Variants in NR6A1 observed in about 807,000 individuals in gnomAD.
NR6A1 encodes retinoic acid receptor-related testis-associated receptor.
NR6A1 carries 7 observed loss-of-function variants against 59.1 expected under a neutral mutation model. The ratio of observed to expected loss-of-function variants is 0.12; its 90% CI spans 0.07 to 0.22. The LOEUF (loss-of-function observed/expected upper bound fraction) is 0.22. Ranked by LOEUF, NR6A1 falls within the 10% of genes least tolerant of loss-of-function variation. The probability of loss-of-function intolerance (pLI) is 1.00; values close to 1 mark genes in which losing one functional copy is unlikely to be tolerated. For missense variants in NR6A1, 468 were observed against 611.6 expected, an observed-to-expected ratio of 0.77 and a Z score of 2.48; for synonymous variants, 243 against 236.1, an observed-to-expected ratio of 1.03 and a Z score of -0.27.
At chr9:124,637,188 C>T (rs1375476718) in intron 2 of NR6A1, among the ~76,000 whole-genome samples, 1 of 152,120 alleles carries the variant, frequency 6.6e-6, no homozygotes, top group Non-Finnish European at 1.5e-5. Context: ...AAAGTGCATT[C>T]TAGACCGACA....
chr9:124,736,041 T>C (rs895917249), intron 1 of NR6A1, among the ~76,000 whole-genome samples: 1 of 152,202 alleles, frequency 6.6e-6, no homozygotes, highest in Non-Finnish European at 1.5e-5. Flanking sequence ...ACGGATTGAA[T>C]GTTGAACATC....
chr9:124,637,789 G>A (rs530366473), intron 2 of NR6A1, among the ~76,000 whole-genome samples: 4 of 151,876 alleles, frequency 2.6e-5, no homozygotes, highest in African/African-American at 9.7e-5. Flanking sequence ...CTACTCAGGA[G>A]GCTGAGGCAC....
chr9:124,690,541 A>AT (rs543369267), intron 2 of NR6A1, among the ~76,000 whole-genome samples: 270 of 147,118 alleles, frequency 1.8e-3, no homozygotes, highest in Admixed American at 2.2e-3. Flanking sequence ...TCAGCCTATA[A>AT]TTTTTTTTTT....
intron 2 of NR6A1, among the ~76,000 whole-genome samples, chr9:124,665,096 A>C (rs140014586): frequency 6.6e-6 from 1 of 151,130 alleles, no homozygotes; most frequent in Non-Finnish European, 1.5e-5. Flanking sequence ...CAGGAGGCTA[A>C]GGCAGGAGGA....
intron 2 of NR6A1, among the ~76,000 whole-genome samples, chr9:124,717,643 C>G (rs1839441839): frequency 1.3e-5 from 2 of 152,178 alleles, no homozygotes; most frequent in Non-Finnish European, 2.9e-5. Context: ...ATGTGGATTA[C>G]TAGGGTGCAC....
intron 2 of NR6A1, among the ~76,000 whole-genome samples, chr9:124,716,207 A>G (rs1366393759): frequency 2.6e-5 from 4 of 152,216 alleles, no homozygotes; most frequent in African/African-American, 9.6e-5. Context: ...CCTGTCTCAA[A>G]AAAATAAAAT....
chr9:124,685,828 G>A (rs1242996663), intron 2 of NR6A1, among the ~76,000 whole-genome samples: 1 of 152,184 alleles, frequency 6.6e-6, no homozygotes, highest in Non-Finnish European at 1.5e-5. Flanking sequence ...GCAATGGAGA[G>A]ATAGGTCCAA....
intron 2 of NR6A1, among the ~76,000 whole-genome samples, chr9:124,657,804 G>A (rs571486722): frequency 6.6e-6 from 1 of 152,006 alleles, no homozygotes; most frequent in African/African-American, 2.4e-5. Flanking sequence ...TCACAAAGGG[G>A]ATAAAAAGAC....
Position 124,640,989 on chromosome 9 carries a change from A to G in NR6A1, c.143-86419T>C, listed in dbSNP as rs566704426. ...GAAACTGAATTATGTTAAGCATTTC[A>G]TATGTTATTTTGTTCTGACAGCAAC... On this transcript the variant is annotated intron_variant, in intron 2 of 9. Transcript: ENST00000487099. Among the ~76,000 whole-genome samples, 16 of 152,284 alleles carry G rather than the reference A, an allele frequency of 1.1e-4. 1 individual carries two copies. The South Asian group carries it at 2.5e-3, about 24-fold the overall frequency.
chr9:124,666,296 T>TTTTTTTTTA (rs1837613554), intron 2 of NR6A1, among the ~76,000 whole-genome samples: 1 of 141,846 alleles, frequency 7.0e-6, no homozygotes, highest in African/African-American at 3.0e-5. Context: ...TTTTTTTTTT[T>TTTTTTTTTA]GAGACAGGGT....
chr9:124,625,430 C>T lies in NR6A1; in HGVS notation c.143-70860G>A, dbSNP rs898775115. Among the ~76,000 whole-genome samples, 19 of 152,164 alleles carry T rather than the reference C, an allele frequency of 1.2e-4. 1 individual carries two copies. The highest frequency in any genetic ancestry group is 6.5e-4 in the Admixed American group (10 of 15,272). ...GCAGCCTCAACCTCACAGGCTCAAG[C>T]GAGCCTCCTGCTCATCCTCTCAAGT... On this transcript the variant is annotated intron_variant, in intron 2 of 9. Coordinates refer to ENST00000487099, the MANE Select transcript of NR6A1 (RefSeq NM_033334.4).
At chr9:124,709,487 G>A (rs570812169) in intron 2 of NR6A1, among the ~76,000 whole-genome samples, 34 of 152,104 alleles carry the variant, frequency 2.2e-4, no homozygotes, top group Non-Finnish European at 4.1e-4. Context: ...ACACAGAAGC[G>A]AGGAGTATCA....
intron 2 of NR6A1, among the ~76,000 whole-genome samples, chr9:124,589,231 G>C (rs1407153653): frequency 6.6e-6 from 1 of 152,156 alleles, no homozygotes; most frequent in Non-Finnish European, 1.5e-5. Flanking sequence ...TGGATCACGA[G>C]GTCAGGAGAT....
Position 124,540,060 on chromosome 9 carries a change from G to A in NR6A1, c.569C>T (p.Pro190Leu), listed in dbSNP as rs1384405155. Residue 190 changes from proline (P) to leucine (L), a missense_variant, in exon 5 of 10, where the codon CCC becomes CTC. Coordinates refer to ENST00000487099, the MANE Select transcript of NR6A1 (RefSeq NM_033334.4). ...GGAAGACAGTGTGGAGCCTGGTGAG[G>A]GCTGGTTGCTCTCCGAAGCCCTGTT... ...PGNRASESNQ[P>L]SPGSTLSSSR... 2.5e-6 allele frequency: 4 copies of A among 1,604,250 alleles called. No homozygotes were observed. The highest frequency in any genetic ancestry group is 1.4e-5 in the African/African-American group (1 of 71,528).
intron 1 of NR6A1, among the ~76,000 whole-genome samples, chr9:124,739,704 C>A (rs890754158): frequency 6.6e-6 from 1 of 152,212 alleles, no homozygotes; most frequent in Non-Finnish European, 1.5e-5. Context: ...TGTCACTGAT[C>A]TTTTTCCTTT....
chr9:124,571,803 C>T (rs1472974456), intron 2 of NR6A1, among the ~76,000 whole-genome samples: 2 of 152,048 alleles, frequency 1.3e-5, no homozygotes, highest in African/African-American at 2.4e-5. Flanking sequence ...CCTGCCATCC[C>T]TCCTGAATCC....
At chr9:124,740,235 C>G (rs544178360) in intron 1 of NR6A1, among the ~76,000 whole-genome samples, 1 of 152,176 alleles carries the variant, frequency 6.6e-6, no homozygotes, top group Non-Finnish European at 1.5e-5. Flanking sequence ...GTCAGGTCTC[C>G]TCTAATTTCC....
At chr9:124,730,111 C>T (rs1270844663) in intron 2 of NR6A1, among the ~76,000 whole-genome samples, 3 of 152,126 alleles carry the variant, frequency 2.0e-5, no homozygotes, top group Non-Finnish European at 4.4e-5. Context: ...CCACGCCTGG[C>T]CTAATTATTT....
intron 3 of NR6A1, among the ~76,000 whole-genome samples, chr9:124,547,081 T>C (rs1833622663): frequency 6.6e-6 from 1 of 152,254 alleles, no homozygotes; most frequent in Non-Finnish European, 1.5e-5. Flanking sequence ...AACAAATGGC[T>C]CCTGTGTGCA....
Sources: gnomAD v4.1 joint callset for allele counts (sites outside exome capture counted in the v4.1 genomes callset) on GRCh38, gnomAD v4.1.1 for gene constraint, MANE v1.5 for transcripts, NCBI Gene and HGNC (gene_info 2026-07-23, HGNC 2026-07-21) for gene names.